Variants in LRRC7 observed in about 807,000 individuals in gnomAD.
LRRC7 encodes leucine rich repeat containing 7.
A neutral mutation model predicts 175.7 loss-of-function variants in LRRC7; 23 were observed. The ratio of observed to expected loss-of-function variants is 0.13; its 90% CI spans 0.09 to 0.19. The LOEUF is 0.19. Among genes scored for constraint, LRRC7 ranks in the 10% least tolerant of loss-of-function variants. The pLI is 1.00. For missense variants in LRRC7, 1,354 were observed against 1,904.7 expected (o/e 0.71, Z 5.38); for synonymous variants, 685 against 680.9 (o/e 1.01, Z -0.09).
intron 1 of LRRC7, among the ~76,000 whole-genome samples, chr1:69,677,233 T>C (rs1659886554): frequency 9.6e-6 from 1 of 103,678 alleles, no homozygotes; most frequent in Non-Finnish European, 2.3e-5. Flanking sequence ...ATAACATATA[T>C]TATATATGTT....
chr1:69,660,694 A>C (rs1022791891), intron 1 of LRRC7, among the ~76,000 whole-genome samples: 1 of 152,096 alleles, frequency 6.6e-6, no homozygotes, highest in Non-Finnish European at 1.5e-5. Context: ...AATATTGTCT[A>C]TGCTCAAGTT....
chr1:69,641,418 T>A (rs1330895601), intron 1 of LRRC7, among the ~76,000 whole-genome samples: 1 of 151,538 alleles, frequency 6.6e-6, no homozygotes, highest in Non-Finnish European at 1.5e-5. Context: ...CAAATATATA[T>A]GAGTAGAGGG....
At chr1:70,001,481 A>G (rs1655514968) in intron 11 of LRRC7, among the ~76,000 whole-genome samples, 1 of 152,234 alleles carries the variant, frequency 6.6e-6, no homozygotes, top group African/African-American at 2.4e-5. Flanking sequence ...AGTATTAAAA[A>G]GTTTTATCAA....
intron 2 of LRRC7, among the ~76,000 whole-genome samples, chr1:69,712,901 A>T (rs909845286): frequency 1.3e-5 from 2 of 152,180 alleles, no homozygotes; most frequent in African/African-American, 4.8e-5. Flanking sequence ...GTCTATGCAT[A>T]CTTTAAATAA....
intron 7 of LRRC7, among the ~76,000 whole-genome samples, chr1:69,904,796 A>G (rs778988351): frequency 6.6e-6 from 1 of 152,048 alleles, no homozygotes; most frequent in Non-Finnish European, 1.5e-5. Context: ...ATACCCAATA[A>G]GCAGTTTTTC....
chr1:69,751,977 G>GACCCT, intron 2 of LRRC7, among the ~76,000 whole-genome samples: 1 of 152,068 alleles, frequency 6.6e-6, no homozygotes, highest in South Asian at 2.1e-4. Flanking sequence ...TCCCTGTATT[G>GACCCT]ATAGCAAATC....
At chr1:69,852,599 T>G (rs754265915) in intron 7 of LRRC7, among the ~76,000 whole-genome samples, 12 of 152,214 alleles carry the variant, frequency 7.9e-5, no homozygotes, top group Admixed American at 1.3e-4. Context: ...TGTTTTAGTA[T>G]CTTTTGCTTT....
intron 7 of LRRC7, among the ~76,000 whole-genome samples, chr1:69,923,650 T>C (rs557937958): frequency 1.8e-3 from 276 of 152,332 alleles, no homozygotes; most frequent in African/African-American, 6.3e-3. Context: ...GATGGTGTTA[T>C]TTGTTTTTTT....
At chr1:69,702,974 A>G (rs1425648894) in intron 2 of LRRC7, among the ~76,000 whole-genome samples, 4 of 152,048 alleles carry the variant, frequency 2.6e-5, no homozygotes, top group Admixed American at 2.6e-4. Flanking sequence ...TGCAGTGTTT[A>G]TTACATGGAC....
At chr1:69,791,102 A>C (rs1675059442) in intron 3 of LRRC7, among the ~76,000 whole-genome samples, 1 of 152,034 alleles carries the variant, frequency 6.6e-6, no homozygotes, top group African/African-American at 2.4e-5. Context: ...GCAAAACAGA[A>C]TTAGAAATGT....
chr1:69,580,439 C>T (rs1048421998), intron 1 of LRRC7, among the ~76,000 whole-genome samples: 12 of 152,046 alleles, frequency 7.9e-5, no homozygotes, highest in African/African-American at 2.4e-4. Context: ...TTGACTTTCT[C>T]AGTTGGTAAT....
chr1:70,041,079 G>C (rs764995747), intron 21 of LRRC7, among the ~76,000 whole-genome samples: 1 of 152,076 alleles, frequency 6.6e-6, no homozygotes, highest in Non-Finnish European at 1.5e-5. Context: ...GGGGCTTTTT[G>C]TTCTCATTTT....
chr1:70,135,975 G>C lies in LRRC7; in HGVS notation c.*14088G>C, dbSNP rs937141283. On this transcript the variant is annotated 3_prime_UTR_variant, in exon 27 of 27. Transcript: ENST00000651989. ...TATTCTTTATAAAACCATGAATGTT[G>C]CTAGCAAACAGTTCAGGCATTTCTT... Among the ~76,000 whole-genome samples the C allele has an allele frequency of 6.6e-6, 1 of 152,054 alleles. No homozygotes were observed. Among genetic ancestry groups the C allele is most frequent in the African/African-American group, 2.4e-5 (1 of 41,396 alleles).
intron 26 of LRRC7, among the ~76,000 whole-genome samples, chr1:70,110,814 A>G (rs1342882724): frequency 6.6e-6 from 1 of 152,238 alleles, no homozygotes; most frequent in East Asian, 1.9e-4. Flanking sequence ...ACTTTCTGAA[A>G]GAAACGAGAA....
intron 4 of LRRC7, among the ~76,000 whole-genome samples, chr1:69,805,427 G>T (rs1677002263): frequency 6.6e-6 from 1 of 151,744 alleles, no homozygotes; most frequent in Non-Finnish European, 1.5e-5. Context: ...GGGAGAAAAT[G>T]GTACCATGCA....
chr1:70,019,613 T>C (rs902036780), intron 15 of LRRC7, among the ~76,000 whole-genome samples: 8 of 152,016 alleles, frequency 5.3e-5, no homozygotes, highest in Non-Finnish European at 1.2e-4. Flanking sequence ...ATGTATTTCT[T>C]ATTTCCAGGG....
chr1:69,875,761 C>T (rs1379874645), intron 7 of LRRC7, among the ~76,000 whole-genome samples: 2 of 151,840 alleles, frequency 1.3e-5, no homozygotes, highest in Non-Finnish European at 2.9e-5. Context: ...TTTTTATATG[C>T]ATCTATATTG....
chr1:70,039,545 A>C lies in LRRC7; in HGVS notation c.3721A>C (p.Arg1241=). 6.2e-7 allele frequency: 1 copy of C among 1,614,180 alleles called. No individual in the cohort carries two copies. Among genetic ancestry groups the C allele is most frequent in the Non-Finnish European group, 8.5e-7 (1 of 1,180,022 alleles). The change falls in exon 21 of 27, where the codon AGA becomes CGA. Residue 1241 remains arginine (R), a synonymous_variant. Transcript: ENST00000651989. ...NLTQRRPLSA[R]SYSTESYGAS... ...TACCCAAAGGAGGCCATTGTCTGCG[A>C]GAAGCTACAGTACAGAGAGTTACGG...
At chr1:69,697,474 A>T (rs977961821) in intron 2 of LRRC7, among the ~76,000 whole-genome samples, 5 of 152,200 alleles carry the variant, frequency 3.3e-5, no homozygotes, top group South Asian at 2.1e-4. Context: ...CTGTGGGCAA[A>T]ACCATAATAA....
Sources: allele counts gnomAD v4.1 joint callset (sites outside exome capture counted in the v4.1 genomes callset), GRCh38; gene constraint gnomAD v4.1.1; transcripts MANE v1.5; gene names NCBI Gene and HGNC (gene_info 2026-07-23, HGNC 2026-07-21).